The following ZMAT4 variants were observed in gnomAD, a reference collection of about 807,000 sequenced individuals.
ZMAT4 encodes the protein zinc finger matrin-type protein 4.
ZMAT4 carries 17 observed loss-of-function variants against 28.7 expected under a neutral mutation model. The ratio of observed to expected loss-of-function variants is 0.59; its 90% confidence interval spans 0.41 to 0.89. ZMAT4 has a LOEUF of 0.89. Among genes scored for constraint, ZMAT4 ranks in the 40% least tolerant of loss-of-function variants. The probability of loss-of-function intolerance (pLI) is 0.00; values close to 1 mark genes in which losing one functional copy is unlikely to be tolerated. For missense variants in ZMAT4, 240 were observed against 283.8 expected (o/e 0.85, Z 1.11); for synonymous variants, 117 against 109.2 (o/e 1.07, Z -0.44).
At chr8:40,883,800 A>G (rs202093617) in intron 1 of ZMAT4, among the ~76,000 whole-genome samples, 1 of 151,824 alleles carries the variant, frequency 6.6e-6, no homozygotes, top group East Asian at 1.9e-4. Flanking sequence ...CTGGGCAACA[A>G]CTCTTGTTTC....
chr8:40,788,858 CA>C (rs1416269043), intron 2 of ZMAT4, among the ~76,000 whole-genome samples: 1 of 150,398 alleles, frequency 6.6e-6, no homozygotes. Context: ...AGGACATATA[CA>C]ATGAATAATA....
chr8:40,807,279 T>G (rs911401323), intron 2 of ZMAT4, among the ~76,000 whole-genome samples: 3 of 151,874 alleles, frequency 2.0e-5, no homozygotes, highest in African/African-American at 7.3e-5. Context: ...TCGTCTCTGC[T>G]AAAAATACAA....
At chr8:40,660,330 A>T (rs1057496909) in intron 5 of ZMAT4, among the ~76,000 whole-genome samples, 2 of 152,214 alleles carry the variant, frequency 1.3e-5, no homozygotes, top group African/African-American at 4.8e-5. Context: ...TTTTAAAGGA[A>T]GTTTTCCTAT....
At chr8:40,690,450 G>T (rs777038408) in intron 4 of ZMAT4, among the ~76,000 whole-genome samples, 113 of 152,184 alleles carry the variant, frequency 7.4e-4, no homozygotes, top group Admixed American at 1.5e-3. Context: ...ATCTAGAGAT[G>T]ATGCCTCAGA....
chr8:40,824,733 A>G (rs974912050), intron 2 of ZMAT4, among the ~76,000 whole-genome samples: 87 of 137,412 alleles, frequency 6.3e-4, no homozygotes, highest in African/African-American at 2.2e-3. Context: ...AGAAAGAAAG[A>G]AGAAAGAAAG....
intron 1 of ZMAT4, among the ~76,000 whole-genome samples, chr8:40,833,659 G>A (rs894550537): frequency 4.0e-5 from 6 of 151,838 alleles, no homozygotes; most frequent in African/African-American, 1.5e-4. Context: ...CCCCACTCCC[G>A]GGACCACCGG....
chr8:40,834,402 C>T (rs1441544444), intron 1 of ZMAT4, among the ~76,000 whole-genome samples: 1 of 152,100 alleles, frequency 6.6e-6, no homozygotes, highest in Non-Finnish European at 1.5e-5. Flanking sequence ...CCAGCCCAGC[C>T]CAAGGCTTCA....
chr8:40,891,783 C>T (rs540992757), intron 1 of ZMAT4, among the ~76,000 whole-genome samples: 6 of 152,180 alleles, frequency 3.9e-5, no homozygotes, highest in African/African-American at 1.2e-4. Flanking sequence ...ATGGAAGGGT[C>T]GCGCCTCCCC....
chr8:40,806,997 A>G (rs910237577), intron 2 of ZMAT4, among the ~76,000 whole-genome samples: 1 of 151,898 alleles, frequency 6.6e-6, no homozygotes, highest in African/African-American at 2.4e-5. Flanking sequence ...GCTGACCTAA[A>G]TATAAGAACA....
intron 1 of ZMAT4, among the ~76,000 whole-genome samples, chr8:40,846,074 C>G (rs1816883887): frequency 6.6e-6 from 1 of 152,200 alleles, no homozygotes; most frequent in African/African-American, 2.4e-5. Context: ...GCAGCTGGAT[C>G]TGTCAAACTT....
At chr8:40,552,975 C>G (rs918576760) in intron 6 of ZMAT4, among the ~76,000 whole-genome samples, 7 of 152,176 alleles carry the variant, frequency 4.6e-5, no homozygotes, top group Admixed American at 3.9e-4. Flanking sequence ...TTATTTATAT[C>G]CTGCTGCTCA....
chr8:40,741,905 T>A (rs979319940), intron 3 of ZMAT4, among the ~76,000 whole-genome samples: 2 of 152,130 alleles, frequency 1.3e-5, no homozygotes, highest in Admixed American at 6.5e-5. Context: ...ATAAAACATA[T>A]GTATTGAAAT....
At chr8:40,582,876 G>A (rs908746244) in intron 5 of ZMAT4, among the ~76,000 whole-genome samples, 2 of 152,194 alleles carry the variant, frequency 1.3e-5, no homozygotes, top group Non-Finnish European at 2.9e-5. Flanking sequence ...CTGTTTGAGT[G>A]TCCAGTTGAA....
At chr8:40,804,560 G>C (rs918031419) in intron 2 of ZMAT4, among the ~76,000 whole-genome samples, 1 of 152,100 alleles carries the variant, frequency 6.6e-6, no homozygotes, top group Non-Finnish European at 1.5e-5. Context: ...TTAAGACCAG[G>C]CCAGGAGCGG....
intron 2 of ZMAT4, chr8:40,808,611 T>C (rs1486317711): frequency 4.4e-6 from 2 of 452,498 alleles, no homozygotes; most frequent in South Asian, 3.1e-5. Flanking sequence ...ACTCAATAAA[T>C]GGAGGTAGGT....
intron 3 of ZMAT4, among the ~76,000 whole-genome samples, chr8:40,756,115 G>C (rs180691599): frequency 8.5e-4 from 130 of 152,142 alleles, no homozygotes; most frequent in East Asian, 1.9e-3. Flanking sequence ...CCCACCAGGG[G>C]TACTTTGAGT....
Position 40,560,862 on chromosome 8 carries a change from T to G in ZMAT4, c.674+20303A>C, listed in dbSNP as rs565169298. 1.2e-4 allele frequency among the ~76,000 whole-genome samples: 19 copies of G among 152,288 alleles called. 1 individual carries two copies. The South Asian group carries it at 1.9e-3, about 15-fold the overall frequency. ...CAAAATAACCTGTATAATCTACTCTTTCCCCAATTAAACCCTAACCTTTTC... is the reference window on the plus strand; with the variant it reads ...CAAAATAACCTGTATAATCTACTCTGTCCCCAATTAAACCCTAACCTTTTC... On this transcript the variant is annotated intron_variant, in intron 6 of 6. Coordinates refer to ENST00000297737, the MANE Select transcript of ZMAT4 (RefSeq NM_024645.3).
At chr8:40,690,837 G>A (rs1809630239) in intron 4 of ZMAT4, 1 of 918,674 alleles carries the variant, frequency 1.1e-6, no homozygotes. Flanking sequence ...AAAAAAAGAA[G>A]AGAACCAATA....
In ZMAT4 at chr8:40,692,482, C is replaced by T. The variant is rs146509570; in HGVS notation, c.349+4763G>A. ...AGACTCTCCTGTAATACCATACAAC[C>T]GCAAAGTATCACAATAAAGGCTTAT... is the stretch of plus-strand genomic sequence containing the variant. On this transcript the variant is annotated intron_variant, in intron 4 of 6. Coordinates refer to ENST00000297737, the MANE Select transcript of ZMAT4 (RefSeq NM_024645.3). Among the ~76,000 whole-genome samples, 437 of 152,208 alleles carry T rather than the reference C, an allele frequency of 2.9e-3. 2 individuals carry two copies. Among genetic ancestry groups the T allele is most frequent in the Middle Eastern group, 6.8e-3 (2 of 294 alleles).
Sources: gnomAD v4.1 joint callset for allele counts (sites outside exome capture counted in the v4.1 genomes callset) on GRCh38, gnomAD v4.1.1 for gene constraint, MANE v1.5 for transcripts, NCBI Gene and HGNC (gene_info 2026-07-23, HGNC 2026-07-21) for gene names.